CEMIP: variants seen among roughly 807,000 people sequenced by gnomAD.
CEMIP encodes the protein cell migration inducing hyaluronidase 1.
Under a neutral mutation model 156.9 loss-of-function variants are expected in CEMIP, and 105 were observed. The ratio of observed to expected loss-of-function variants is 0.67; its 90% CI spans 0.57 to 0.79. The LOEUF is 0.79. Ranked by LOEUF, CEMIP falls within the 30% of genes least tolerant of loss-of-function variation. The probability of loss-of-function intolerance (pLI) is 0.00; values close to 1 mark genes in which losing one functional copy is unlikely to be tolerated. For missense variants in CEMIP, 1,457 were observed against 1,769.4 expected (o/e 0.82, Z 3.17); for synonymous variants, 676 against 668.4 (o/e 1.01, Z -0.17).
rs767351512 is a variant in CEMIP at position 80,878,720 on chromosome 15, G to T, written c.95-1G>T. 1 of 1,614,134 alleles carries T rather than the reference G, an allele frequency of 6.2e-7. No individual in the cohort carries two copies. Among genetic ancestry groups the T allele is most frequent in the Non-Finnish European group, 8.5e-7 (1 of 1,180,024 alleles). ...CAGTGACATCTCTCTGTCCTTGGCA[G>T]TGGCTGCTGGGTGCCCTGACCAGAG... On this transcript the variant is annotated splice_acceptor_variant, in intron 3 of 29. Transcript: ENST00000394685. LOFTEE classifies it high-confidence loss of function.
At chr15:80,860,542 AC>A (rs1474043911) in intron 1 of CEMIP, among the ~76,000 whole-genome samples, 1 of 152,198 alleles carries the variant, frequency 6.6e-6, no homozygotes, top group Non-Finnish European at 1.5e-5. Flanking sequence ...TTAAGCCAGC[AC>A]GGCAGCACTG....
At chr15:80,859,108 C>T (rs764765431) in intron 1 of CEMIP, among the ~76,000 whole-genome samples, 1 of 152,208 alleles carries the variant, frequency 6.6e-6, no homozygotes, top group African/African-American at 2.4e-5. Flanking sequence ...GTCAACTGAA[C>T]ATCCCTGCAC....
At chr15:80,945,384 A>T (rs985603334) in intron 28 of CEMIP, among the ~76,000 whole-genome samples, 1 of 152,242 alleles carries the variant, frequency 6.6e-6, no homozygotes, top group African/African-American at 2.4e-5. Flanking sequence ...TGAGTCCCCC[A>T]AGTAGGAAGG....
chr15:80,802,516 G>T (rs1280645788), intron 1 of CEMIP, among the ~76,000 whole-genome samples: 1 of 152,230 alleles, frequency 6.6e-6, no homozygotes, highest in Non-Finnish European at 1.5e-5. Context: ...ACAGGGGCAT[G>T]ACTCCAGCGC....
At chr15:80,844,681 G>A (rs967372956) in intron 1 of CEMIP, among the ~76,000 whole-genome samples, 3 of 152,216 alleles carry the variant, frequency 2.0e-5, no homozygotes, top group African/African-American at 7.2e-5. Flanking sequence ...GTCCCCATCC[G>A]ATTTCAGGGC....
intron 1 of CEMIP, among the ~76,000 whole-genome samples, chr15:80,787,909 C>A (rs1476551793): frequency 1.3e-5 from 2 of 152,116 alleles, no homozygotes; most frequent in African/African-American, 4.8e-5. Flanking sequence ...AGGCTGATGC[C>A]CTTGGGTGTC....
intron 12 of CEMIP, among the ~76,000 whole-genome samples, chr15:80,901,897 T>C (rs1159719222): frequency 6.6e-6 from 1 of 152,040 alleles, no homozygotes; most frequent in East Asian, 1.9e-4. Flanking sequence ...TCAGCTTCAT[T>C]CTCCCTCAGT....
chr15:80,885,779 C>A (rs1898815698), intron 7 of CEMIP, among the ~76,000 whole-genome samples: 1 of 152,236 alleles, frequency 6.6e-6, no homozygotes, highest in Admixed American at 6.5e-5. Flanking sequence ...TATTTGTCAT[C>A]ATGTCTGGCA....
chr15:80,893,119 T>C (rs1899089451), intron 10 of CEMIP, among the ~76,000 whole-genome samples: 1 of 151,888 alleles, frequency 6.6e-6, no homozygotes, highest in African/African-American at 2.4e-5. Context: ...CAGGTGGAGG[T>C]TGCAGTGAGC....
At chr15:80,907,380 T>C (rs1314007623) in intron 13 of CEMIP, among the ~76,000 whole-genome samples, 2 of 152,290 alleles carry the variant, frequency 1.3e-5, no homozygotes, top group South Asian at 2.1e-4. Context: ...CTGGCCACCA[T>C]GGTGAAACCC....
At chr15:80,847,901 G>A (rs1213332444) in intron 1 of CEMIP, among the ~76,000 whole-genome samples, 1 of 152,154 alleles carries the variant, frequency 6.6e-6, no homozygotes, top group Non-Finnish European at 1.5e-5. Context: ...GGAGATGCTC[G>A]ACTCTTCCTG....
rs772702178 is a variant in CEMIP, at chr15:80,933,334, C to T, written c.2883C>T (p.Val961=). 1 of 1,614,142 alleles carries T rather than the reference C, an allele frequency of 6.2e-7. No homozygotes were observed. The highest frequency in any genetic ancestry group is 8.5e-7 in the Non-Finnish European group (1 of 1,180,036). ...ATAAGACATCTGTGTTCCATGACGTCGACGGCTCCGTGTCCGAGTACCCTG... is the reference window on the plus strand; with the variant it reads ...ATAAGACATCTGTGTTCCATGACGTTGACGGCTCCGTGTCCGAGTACCCTG... ...DGDKTSVFHD[V]DGSVSEYPGS... Residue 961 remains valine, a synonymous_variant, in exon 23 of 30, where the codon GTC becomes GTT. Transcript: ENST00000394685.
intron 28 of CEMIP, among the ~76,000 whole-genome samples, chr15:80,943,850 T>C (rs374367925): frequency 1.3e-5 from 2 of 152,196 alleles, no homozygotes; most frequent in Admixed American, 6.5e-5. Flanking sequence ...ATCTTCCATA[T>C]TGGCCGCTGG....
At chr15:80,938,283 C>G (rs560004091) in intron 25 of CEMIP, 54 of 366,016 alleles carry the variant, frequency 1.5e-4, no homozygotes, top group African/African-American at 9.7e-4. Context: ...TACATTATCT[C>G]AAATCCTCAC....
At chr15:80,900,588 GTGTGT>G (rs1567090748) in intron 12 of CEMIP, among the ~76,000 whole-genome samples, 55 of 56,946 alleles carry the variant, frequency 9.7e-4, no homozygotes, top group South Asian at 6.3e-3. Context: ...AGGTAGGGGT[GTGTGT>G]GTGTGTGTGT....
chr15:80,926,563 G>C (rs1029689675), intron 19 of CEMIP, among the ~76,000 whole-genome samples: 3 of 151,662 alleles, frequency 2.0e-5, no homozygotes, highest in African/African-American at 7.3e-5. Flanking sequence ...TTGACAGAGA[G>C]AGCAAGAGAG....
chr15:80,883,489 T>C (rs1341123073), intron 6 of CEMIP, among the ~76,000 whole-genome samples: 1 of 152,182 alleles, frequency 6.6e-6, no homozygotes, highest in African/African-American at 2.4e-5. Context: ...AAAATAATTT[T>C]TAAAAAATAA....
intron 1 of CEMIP, among the ~76,000 whole-genome samples, chr15:80,823,184 G>T (rs1189887965): frequency 6.6e-6 from 1 of 152,214 alleles, no homozygotes; most frequent in Non-Finnish European, 1.5e-5. Context: ...TTAAATGAGA[G>T]TATGCCTCTG....
At chr15:80,945,135 A>T (rs1406055384) in intron 28 of CEMIP, among the ~76,000 whole-genome samples, 2 of 152,212 alleles carry the variant, frequency 1.3e-5, no homozygotes, top group Non-Finnish European at 2.9e-5. Context: ...CTCACACCAG[A>T]AACATCTAGC....
Sources: allele counts gnomAD v4.1 joint callset (sites outside exome capture counted in the v4.1 genomes callset), GRCh38; gene constraint gnomAD v4.1.1; transcripts MANE v1.5; gene names NCBI Gene and HGNC (gene_info 2026-07-23, HGNC 2026-07-21).